The following AKAP19 variants were observed in gnomAD, a reference collection of about 807,000 sequenced individuals.
AKAP19 encodes the protein A-kinase anchoring protein 19, also known as small A-kinase anchoring protein.
At chr2:189,932,478 A>G in the AKAP19 span, among the ~76,000 whole-genome samples, 1 of 151,670 alleles carries the variant, frequency 6.6e-6, no homozygotes, top group African/African-American at 2.4e-5. Context: ...ACACATGCAC[A>G]CCACTTCTAA....
the AKAP19 span, among the ~76,000 whole-genome samples, chr2:190,011,603 T>C: frequency 1.3e-5 from 2 of 152,234 alleles, no homozygotes; most frequent in Non-Finnish European, 2.9e-5. Flanking sequence ...TTGAAGTTTT[T>C]AAAATACAGT....
the AKAP19 span, among the ~76,000 whole-genome samples, chr2:190,163,455 C>CAAAAAAAAAAAAAAA: frequency 5.1e-5 from 7 of 136,682 alleles, no homozygotes; most frequent in African/African-American, 5.5e-5. Context: ...AAACAAAAAA[C>CAAAAAAAAAAAAAAA]AAAAAAAAAA....
chr2:189,972,933 G>A, the AKAP19 span, among the ~76,000 whole-genome samples: 2 of 152,172 alleles, frequency 1.3e-5, no homozygotes, highest in African/African-American at 4.8e-5. Context: ...TGCAAACAGG[G>A]ACAATTTGAC....
chr2:190,147,638 T>A, the AKAP19 span, among the ~76,000 whole-genome samples: 1 of 149,226 alleles, frequency 6.7e-6, no homozygotes, highest in South Asian at 2.2e-4. Flanking sequence ...GAGCATGGGA[T>A]GTGTTTCCAT....
chr2:190,066,229 TG>T, the AKAP19 span, among the ~76,000 whole-genome samples: 1 of 152,148 alleles, frequency 6.6e-6, no homozygotes, highest in Non-Finnish European at 1.5e-5. Flanking sequence ...GTCAGTAAGG[TG>T]GCAAGCGAAA....
At chr2:189,958,020 C>T in the AKAP19 span, among the ~76,000 whole-genome samples, 16 of 152,162 alleles carry the variant, frequency 1.1e-4, no homozygotes, top group African/African-American at 2.7e-4. Context: ...TCTCGAACTC[C>T]TGACCTCAGG....
At chr2:190,038,947 T>TTCTTCTTCTTCC in the AKAP19 span, among the ~76,000 whole-genome samples, 1 of 146,256 alleles carries the variant, frequency 6.8e-6, no homozygotes, top group Admixed American at 6.8e-5. Context: ...CTTCTTCTTC[T>TTCTTCTTCTTCC]TCTTCTTCTT....
the AKAP19 span, among the ~76,000 whole-genome samples, chr2:190,153,557 A>G: frequency 6.6e-6 from 1 of 152,126 alleles, no homozygotes; most frequent in Non-Finnish European, 1.5e-5. Context: ...GTATAATAGT[A>G]TAATGTTTTC....
the AKAP19 span, among the ~76,000 whole-genome samples, chr2:190,115,380 C>T: frequency 8.7e-4 from 90 of 103,818 alleles, 3 homozygotes; most frequent in South Asian, 0.032. Context: ...AGTGCAGTGG[C>T]GCAATCTCGG....
chr2:190,134,687 G>A, the AKAP19 span, among the ~76,000 whole-genome samples: 3 of 88,310 alleles, frequency 3.4e-5, no homozygotes, highest in Non-Finnish European at 7.5e-5. Context: ...GGTTATTTAA[G>A]TCTCTGCAGG....
At chr2:189,963,498 G>A in the AKAP19 span, among the ~76,000 whole-genome samples, 8 of 151,770 alleles carry the variant, frequency 5.3e-5, no homozygotes, top group Non-Finnish European at 2.9e-5. Context: ...CCCGGCCCAG[G>A]CTTCACTTCT....
chr2:189,882,231 G>A, the AKAP19 span, among the ~76,000 whole-genome samples: 5 of 152,148 alleles, frequency 3.3e-5, no homozygotes, highest in African/African-American at 4.8e-5. Context: ...TCACCTAAAC[G>A]TGATAAGTTT....
chr2:190,063,961 C>A, the AKAP19 span, among the ~76,000 whole-genome samples: 1 of 152,110 alleles, frequency 6.6e-6, no homozygotes, highest in South Asian at 2.1e-4. Context: ...CTTTTTCCTA[C>A]TCCTTTTTGG....
the AKAP19 span, among the ~76,000 whole-genome samples, chr2:189,887,923 G>C: frequency 6.6e-6 from 1 of 152,072 alleles, no homozygotes; most frequent in Non-Finnish European, 1.5e-5. Context: ...TCACTCTGAT[G>C]ATAGTTTCTT....
the AKAP19 span, among the ~76,000 whole-genome samples, chr2:190,017,150 T>C: frequency 6.6e-6 from 1 of 152,192 alleles, no homozygotes; most frequent in Non-Finnish European, 1.5e-5. Flanking sequence ...TTCCTATGCC[T>C]TCACTTTCAG....
At chr2:190,070,621 C>CCT in the AKAP19 span, among the ~76,000 whole-genome samples, 3 of 139,756 alleles carry the variant, frequency 2.1e-5, no homozygotes, top group African/African-American at 7.9e-5. Context: ...CTCTCCCCCC[C>CCT]CCCTTTTTTT....
At chr2:190,035,862 G>A in the AKAP19 span, among the ~76,000 whole-genome samples, 2 of 152,162 alleles carry the variant, frequency 1.3e-5, no homozygotes, top group Non-Finnish European at 2.9e-5. Flanking sequence ...TACGAGTGAA[G>A]CAACTCTGAA....
At chr2:189,981,111 G>A in the AKAP19 span, among the ~76,000 whole-genome samples, 4 of 152,176 alleles carry the variant, frequency 2.6e-5, no homozygotes, top group African/African-American at 9.7e-5. Flanking sequence ...TGTCAATGGG[G>A]TTGTTGAAGT....
chr2:190,066,441 G>C, the AKAP19 span, among the ~76,000 whole-genome samples: 1 of 152,112 alleles, frequency 6.6e-6, no homozygotes, highest in Non-Finnish European at 1.5e-5. Context: ...GCACAAGAAT[G>C]AATCATGAAA....
Sources: allele counts gnomAD v4.1 joint callset (sites outside exome capture counted in the v4.1 genomes callset), GRCh38; gene constraint gnomAD v4.1.1; transcripts MANE v1.5; gene names NCBI Gene and HGNC (gene_info 2026-07-23, HGNC 2026-07-21).